PCDHGA11: variants seen among roughly 807,000 people sequenced by gnomAD.
The protein encoded by PCDHGA11 is protocadherin gamma-A11.
PCDHGA11 carries 39 observed loss-of-function variants against 60.4 expected under a neutral mutation model. That is an observed-to-expected ratio of 0.65 (90% CI 0.50 to 0.84). The LOEUF (loss-of-function observed/expected upper bound fraction) is 0.84. Ranked by LOEUF, PCDHGA11 falls within the 40% of genes least tolerant of loss-of-function variation. The probability of loss-of-function intolerance (pLI) is 0.00; values close to 1 mark genes in which losing one functional copy is unlikely to be tolerated. For missense variants in PCDHGA11, 1,165 were observed against 1,197.7 expected (o/e 0.97, Z 0.40); for synonymous variants, 533 against 510.3 (o/e 1.04, Z -0.60).
At position 141,431,783 on chromosome 5, in the gene PCDHGA11, G is replaced by T; in HGVS notation, c.2433+8123G>T. 2 of 1,614,174 alleles carry T rather than the reference G, an allele frequency of 1.2e-6. No homozygotes were observed. Among genetic ancestry groups the T allele is most frequent in the East Asian group, 2.2e-5 (1 of 44,878 alleles). On this transcript the variant is annotated intron_variant, in intron 1 of 3. Transcript: ENST00000398587. The surrounding 1 kb of genome is among the most constrained non-coding windows in gnomAD (Gnocchi z 4.8). Reference sequence around the variant, plus strand: ...CCTGATCACTGTTCTGGACGTGAACGACAATGCCCCAGAAGTGGTCCTCAC... The same window carrying T: ...CCTGATCACTGTTCTGGACGTGAACTACAATGCCCCAGAAGTGGTCCTCAC...
intron 1 of PCDHGA11, among the ~76,000 whole-genome samples, chr5:141,470,537 A>G (rs189730495): frequency 1.3e-5 from 2 of 152,256 alleles, no homozygotes; most frequent in Non-Finnish European, 2.9e-5. Context: ...TGTATCAGGT[A>G]ATATTTATTG....
Position 141,476,645 on chromosome 5 carries a change from A to C in PCDHGA11, c.2434-18162A>C. 1 of 1,614,246 alleles carries C rather than the reference A, an allele frequency of 6.2e-7. No homozygotes were observed. The highest frequency in any genetic ancestry group is 8.5e-7 in the Non-Finnish European group (1 of 1,180,052). On this transcript the variant is annotated intron_variant, in intron 1 of 3. Coordinates refer to ENST00000398587, the MANE Select transcript of PCDHGA11 (RefSeq NM_018914.3). The surrounding 1 kb of genome is among the most constrained non-coding windows in gnomAD (Gnocchi z 7.6). ...TTTACAAACCTATGAGCTGAGCCGA[A>C]ATGAATACTTTGCGCTTCGCGTGCA...
At chr5:141,437,826 CT>C (rs1263000808) in intron 1 of PCDHGA11, among the ~76,000 whole-genome samples, 5 of 151,936 alleles carry the variant, frequency 3.3e-5, no homozygotes, top group African/African-American at 1.2e-4. Flanking sequence ...CAACCTCTGC[CT>C]CCTGGGTTCA....
At chr5:141,427,355 C>T (rs765449381) in intron 1 of PCDHGA11, 2 of 457,430 alleles carry the variant, frequency 4.4e-6, no homozygotes, top group African/African-American at 2.0e-5. Flanking sequence ...TAACTGAGGA[C>T]GCAGAACCCT....
chr5:141,490,882 A>G lies in PCDHGA11; in HGVS notation c.2434-3925A>G, dbSNP rs758716907. ...CGGCTCTCCCCCATTGCATGCCAAC[A>G]CATCTCTGCATGTGTTTGTCCTAGA... On this transcript the variant is annotated intron_variant, in intron 1 of 3. Coordinates refer to ENST00000398587, the MANE Select transcript of PCDHGA11 (RefSeq NM_018914.3). This position sits in a 1 kb window ranked among gnomAD's most constrained non-coding sequence, Gnocchi z 5.4. 6.2e-7 allele frequency: 1 copy of G among 1,613,848 alleles called. No individual in the cohort carries two copies. Among genetic ancestry groups the G allele is most frequent in the Non-Finnish European group, 8.5e-7 (1 of 1,179,920 alleles).
At chr5:141,461,501 T>A (rs113852528) in intron 1 of PCDHGA11, among the ~76,000 whole-genome samples, 4 of 152,310 alleles carry the variant, frequency 2.6e-5, no homozygotes, top group South Asian at 2.1e-4. Context: ...TTATTTTTCT[T>A]GGTGATTTGT....
Position 141,486,276 on chromosome 5 carries a change from T to C in PCDHGA11, c.2434-8531T>C. The C allele has an allele frequency of 1.2e-6, 2 of 1,613,980 alleles. No homozygotes were observed. The highest frequency in any genetic ancestry group is 1.7e-6 in the Non-Finnish European group (2 of 1,179,974). On this transcript the variant is annotated intron_variant, in intron 1 of 3. Coordinates refer to ENST00000398587, the MANE Select transcript of PCDHGA11 (RefSeq NM_018914.3). The surrounding 1 kb of genome is among the most constrained non-coding windows in gnomAD (Gnocchi z 5.0). ...CCCGAGAGTGCAGAACCTGGCACTG[T>C]GGTGGCACTTATCAGTGTGCAGGAT...
At chr5:141,484,315 C>T (rs1172379949) in intron 1 of PCDHGA11, among the ~76,000 whole-genome samples, 2 of 152,326 alleles carry the variant, frequency 1.3e-5, no homozygotes, top group African/African-American at 4.8e-5. Context: ...ACCCCGCTTC[C>T]ATACTGTCCT....
At position 141,485,144 on chromosome 5, in the gene PCDHGA11, G is replaced by A; in HGVS notation, c.2434-9663G>A. 6.4e-7 allele frequency: 1 copy of A among 1,564,192 alleles called. No homozygotes were observed. The highest frequency in any genetic ancestry group is 1.7e-5 in the Admixed American group (1 of 59,326). On this transcript the variant is annotated intron_variant, in intron 1 of 3. Transcript: ENST00000398587. This position sits in a 1 kb window ranked among gnomAD's most constrained non-coding sequence, Gnocchi z 5.7. ...CGGGTCGGCTTCATCCGCGTCTCAG[G>A]AGCAAGTAGAGAATTAGCGGGCGGC...
chr5:141,462,818 C>T (rs1280335120), intron 1 of PCDHGA11, among the ~76,000 whole-genome samples: 1 of 152,120 alleles, frequency 6.6e-6, no homozygotes, highest in East Asian at 1.9e-4. Flanking sequence ...TTTTATTGGA[C>T]AGCAGACATT....
chr5:141,484,715 G>A (rs576646182), intron 1 of PCDHGA11, among the ~76,000 whole-genome samples: 1 of 152,130 alleles, frequency 6.6e-6, no homozygotes, highest in African/African-American at 2.4e-5. Context: ...CCGCCGAAAA[G>A]GGGCGGGGTC....
At position 141,490,840 on chromosome 5, in the gene PCDHGA11, G is replaced by C. The variant is rs1177428192; in HGVS notation, c.2434-3967G>C. On this transcript the variant is annotated intron_variant, in intron 1 of 3. Transcript: ENST00000398587. This position sits in a 1 kb window ranked among gnomAD's most constrained non-coding sequence, Gnocchi z 5.4. Reference sequence around the variant, plus strand: ...ATTGCTGCAGATGCTGCAGATTGTGGTGGGGGTTCGAGACTCCGGCTCTCC... The same window carrying C: ...ATTGCTGCAGATGCTGCAGATTGTGCTGGGGGTTCGAGACTCCGGCTCTCC... 2 of 1,613,900 alleles carry C rather than the reference G, an allele frequency of 1.2e-6. No homozygotes were observed. Among genetic ancestry groups the C allele is most frequent in the Middle Eastern group, 3.3e-4 (2 of 6,058 alleles).
chr5:141,478,819 C>T, intron 1 of PCDHGA11: 8 of 1,447,842 alleles, frequency 5.5e-6, no homozygotes, highest in South Asian at 3.0e-5. Flanking sequence ...CACAACTAAC[C>T]AATCTTGCTA....
At position 141,477,806 on chromosome 5, in the gene PCDHGA11, G is replaced by GC; in HGVS notation, c.2434-16995dup. Reference sequence around the variant, plus strand: ...ATTTGTCACTGATCGCAATGACAATGCCCCCCAGGTCCTATATCCTCGGCC... The same window carrying GC: ...ATTTGTCACTGATCGCAATGACAATGCCCCCCCAGGTCCTATATCCTCGGCC... On this transcript the variant is annotated intron_variant, in intron 1 of 3. Transcript: ENST00000398587. This position sits in a 1 kb window ranked among gnomAD's most constrained non-coding sequence, Gnocchi z 4.9. 1 of 1,614,114 alleles carries GC rather than the reference G, an allele frequency of 6.2e-7. No homozygotes were observed.
At position 141,431,424 on chromosome 5, in the gene PCDHGA11, G is replaced by A; in HGVS notation, c.2433+7764G>A. The A allele has an allele frequency of 1.9e-6, 3 of 1,613,676 alleles. No individual in the cohort carries two copies. The highest frequency in any genetic ancestry group is 2.5e-6 in the Non-Finnish European group (3 of 1,180,028). On this transcript the variant is annotated intron_variant, in intron 1 of 3. Coordinates refer to ENST00000398587, the MANE Select transcript of PCDHGA11 (RefSeq NM_018914.3). The surrounding 1 kb of genome is among the most constrained non-coding windows in gnomAD (Gnocchi z 4.8). ...GCCTCCGACGGGGGCGACCCGGTGC[G>A]CACAGGCACCGCGCGCATCCGCGTG... is the stretch of plus-strand genomic sequence containing the variant.
chr5:141,484,653 C>G (rs2099598614), intron 1 of PCDHGA11, among the ~76,000 whole-genome samples: 1 of 152,036 alleles, frequency 6.6e-6, no homozygotes, highest in Non-Finnish European at 1.5e-5. Flanking sequence ...AATGGCTACT[C>G]TCCCTCTCAG....
In PCDHGA11 at chr5:141,423,069, G is replaced by A. The variant is rs1364397726; in HGVS notation, c.1842G>A (p.Glu614=). ...CCTATCGCCTGCTTAAGGCCAGCGA[G>A]CCGGGACTCTTCGCGGTGGGGGAGC... ...WLSYRLLKAS[E]PGLFAVGEHT... The change falls in exon 1 of 4, where the codon GAG becomes GAA. Residue 614 remains glutamate (E), a synonymous_variant. Transcript: ENST00000398587. 8 of 1,614,034 alleles carry A rather than the reference G, an allele frequency of 5.0e-6. No homozygotes were observed. In the African/African-American group the frequency reaches 1.1e-4, roughly 22 times the overall value.
chr5:141,494,898 T>C, intron 2 of PCDHGA11, 33 bp downstream of exon 2: 1 of 1,614,074 alleles, frequency 6.2e-7, no homozygotes, highest in Non-Finnish European at 8.5e-7. Flanking sequence ...CACCCTCTTC[T>C]CTGCGGCATT....
At position 141,510,947 on chromosome 5, in the gene PCDHGA11, A is replaced by C; in HGVS notation, c.2582A>C (p.Glu861Ala). Residue 861 changes from glutamate to alanine, a missense_variant and splice_region_variant, in exon 4 of 4, where the codon GAA (glutamate) becomes GCA (alanine). By Grantham distance (107) the Glu-to-Ala change is moderately radical. Transcript: ENST00000398587. ...ACCTGATCTTCCTCTGTCTCTGCAG[A>C]AGCTGCTGATGGGAGCTCCACCCTG... ...LQAMILASAS[E>A]AADGSSTLGG... The C allele has an allele frequency of 6.2e-7, 1 of 1,614,084 alleles. No individual in the cohort carries two copies. Among genetic ancestry groups the C allele is most frequent in the Non-Finnish European group, 8.5e-7 (1 of 1,180,000 alleles).
Sources: gnomAD v4.1 joint callset for allele counts (sites outside exome capture counted in the v4.1 genomes callset) on GRCh38, gnomAD v4.1.1 for gene constraint, Gnocchi (gnomAD v3.1) non-coding constraint, MANE v1.5 for transcripts, NCBI Gene and HGNC (gene_info 2026-07-23, HGNC 2026-07-21) for gene names.